TRAPPC9: variants seen among roughly 807,000 people sequenced by gnomAD.
TRAPPC9 encodes trafficking protein particle complex subunit 9, also known as IKK2 binding protein.
Under a neutral mutation model 124.0 loss-of-function variants are expected in TRAPPC9, and 83 were observed. The ratio of observed to expected loss-of-function variants is 0.67; its 90% CI spans 0.56 to 0.80. The LOEUF (loss-of-function observed/expected upper bound fraction) is 0.80. Ranked by LOEUF, TRAPPC9 falls within the 30% of genes least tolerant of loss-of-function variation. The pLI is 0.00. For missense variants in TRAPPC9, 1,302 were observed against 1,508.3 expected (o/e 0.86, Z 2.27); for synonymous variants, 638 against 617.5 (o/e 1.03, Z -0.49).
chr8:140,419,401 CCT>C (rs1292138131), intron 5 of TRAPPC9, among the ~76,000 whole-genome samples: 6 of 124,950 alleles, frequency 4.8e-5, no homozygotes, highest in East Asian at 3.0e-4. Context: ...TGCACTCCAG[CCT>C]GGGCGACAGA....
chr8:140,084,818 G>A (rs940236949), intron 17 of TRAPPC9, among the ~76,000 whole-genome samples: 3 of 152,246 alleles, frequency 2.0e-5, no homozygotes, highest in Admixed American at 2.0e-4. Flanking sequence ...CGTTTACCAA[G>A]CATGAGTAAG....
intron 17 of TRAPPC9, among the ~76,000 whole-genome samples, chr8:140,178,061 G>T (rs971768673): frequency 6.6e-6 from 1 of 152,036 alleles, no homozygotes; most frequent in Admixed American, 6.6e-5. Flanking sequence ...TTTTCTACAT[G>T]CATAGTAATG....
At chr8:140,418,579 G>A (rs966142740) in intron 5 of TRAPPC9, among the ~76,000 whole-genome samples, 1 of 152,140 alleles carries the variant, frequency 6.6e-6, no homozygotes, top group Non-Finnish European at 1.5e-5. Flanking sequence ...AAATTAGCTG[G>A]GAGCAGTGGC....
Position 140,024,086 on chromosome 8 carries a change from G to T in TRAPPC9, c.2557-7C>A, listed in dbSNP as rs1217536694. 6.2e-7 allele frequency: 1 copy of T among 1,612,584 alleles called. No individual in the cohort carries two copies. The highest frequency in any genetic ancestry group is 1.7e-5 in the Admixed American group (1 of 59,976). On this transcript the variant is annotated splice_region_variant and splice_polypyrimidine_tract_variant and intron_variant, in intron 17 of 22. Transcript: ENST00000438773. ...TCAGGACAGCTTCCAGGGTCTAAAA[G>T]ATATTAAAAAAAAAAATACACACAC...
At chr8:140,403,335 A>G (rs1588290243) in intron 6 of TRAPPC9, among the ~76,000 whole-genome samples, 1 of 152,118 alleles carries the variant, frequency 6.6e-6, no homozygotes, top group East Asian at 1.9e-4. Context: ...AGGCTAAGAC[A>G]GGAGAATCAC....
chr8:140,345,419 G>A (rs1424336281), intron 9 of TRAPPC9, among the ~76,000 whole-genome samples: 1 of 152,206 alleles, frequency 6.6e-6, no homozygotes, highest in Non-Finnish European at 1.5e-5. Flanking sequence ...AGTAGCAACG[G>A]AAAATGATGC....
Position 139,835,410 on chromosome 8 carries a change from G to A in TRAPPC9, c.3055+50469C>T, listed in dbSNP as rs562002588. Among the ~76,000 whole-genome samples, 11 of 152,384 alleles carry A rather than the reference G, an allele frequency of 7.2e-5. No individual in the cohort carries two copies. The South Asian group carries it at 8.3e-4, about 11-fold the overall frequency. On this transcript the variant is annotated intron_variant, in intron 21 of 22. Transcript: ENST00000438773. ...CGACTCTGCAGCAAGCATCCTCGCC[G>A]CCGTCCAGCCTTCCCTCCTGCGCCC...
At chr8:140,137,612 G>A (rs570586121) in intron 17 of TRAPPC9, among the ~76,000 whole-genome samples, 17 of 152,274 alleles carry the variant, frequency 1.1e-4, no homozygotes, top group East Asian at 9.6e-4. Flanking sequence ...GCCCCACCCC[G>A]CACCTGCTGA....
At chr8:140,163,891 T>G (rs1408401336) in intron 17 of TRAPPC9, among the ~76,000 whole-genome samples, 1 of 152,104 alleles carries the variant, frequency 6.6e-6, no homozygotes, top group Non-Finnish European at 1.5e-5. Flanking sequence ...AAAAGAAGGT[T>G]TAGCATTAAT....
intron 21 of TRAPPC9, among the ~76,000 whole-genome samples, chr8:139,836,386 C>A (rs575497153): frequency 5.3e-5 from 8 of 152,212 alleles, no homozygotes; most frequent in African/African-American, 7.2e-5. Flanking sequence ...TCTGACCCTG[C>A]GCCCGGCACT....
In TRAPPC9 at chr8:140,364,292, C is replaced by CAA. The variant is rs34616334; in HGVS notation, c.1352-4101_1352-4100dup. Among the ~76,000 whole-genome samples, 357 of 52,884 alleles carry CAA rather than the reference C, an allele frequency of 6.8e-3. 10 individuals are homozygous for CAA. The highest frequency in any genetic ancestry group is 0.013 in the African/African-American group (236 of 17,554). 34.7% of individuals were successfully genotyped at this position (52,884 alleles called of 152,430 possible). On this transcript the variant is annotated intron_variant, in intron 8 of 22. Transcript: ENST00000438773. Reference sequence around the variant, plus strand: ...AGCCTGGAGTTATATTCAAAGGATGCAAAAAAAAAAAAAAAAAAAAGGAAC... The same window carrying CAA: ...AGCCTGGAGTTATATTCAAAGGATGCAAAAAAAAAAAAAAAAAAAAAAGGAAC...
intron 4 of TRAPPC9, among the ~76,000 whole-genome samples, chr8:140,433,602 C>T (rs917020560): frequency 6.6e-6 from 1 of 151,950 alleles, no homozygotes; most frequent in Non-Finnish European, 1.5e-5. Context: ...AAAACAACAA[C>T]AACAACAACA....
At chr8:140,155,623 G>A (rs1377088373) in intron 17 of TRAPPC9, among the ~76,000 whole-genome samples, 1 of 152,148 alleles carries the variant, frequency 6.6e-6, no homozygotes, top group Non-Finnish European at 1.5e-5. Context: ...AAATTAAAAG[G>A]ACAATCTCGT....
At chr8:139,758,017 A>C (rs373351128) in intron 21 of TRAPPC9, among the ~76,000 whole-genome samples, 1 of 152,238 alleles carries the variant, frequency 6.6e-6, no homozygotes, top group East Asian at 1.9e-4. Flanking sequence ...CCATGGCCCC[A>C]GGGATTGGGC....
chr8:139,954,278 T>C (rs192346238), intron 19 of TRAPPC9, among the ~76,000 whole-genome samples: 3 of 152,242 alleles, frequency 2.0e-5, no homozygotes, highest in Admixed American at 2.0e-4. Flanking sequence ...ATGTGTAGTT[T>C]TTAGTATGTC....
chr8:140,145,013 A>T (rs969938551), intron 17 of TRAPPC9, among the ~76,000 whole-genome samples: 8 of 151,518 alleles, frequency 5.3e-5, no homozygotes, highest in African/African-American at 1.9e-4. Context: ...AGTACCTGAG[A>T]TTACAGGCGT....
chr8:140,118,897 T>C (rs2060936563), intron 17 of TRAPPC9, among the ~76,000 whole-genome samples: 1 of 152,242 alleles, frequency 6.6e-6, no homozygotes, highest in African/African-American at 2.4e-5. Context: ...GGCCTGGCCC[T>C]GCAGTGTGTC....
At position 139,808,150 on chromosome 8, in the gene TRAPPC9, A is replaced by G. The variant is rs113609498; in HGVS notation, c.3056-75948T>C. ...TGAGACATACTTCATGTACCATGCA[A>G]TTTACCCATTTGAAGTATACAATTC... On this transcript the variant is annotated intron_variant, in intron 21 of 22. Transcript: ENST00000438773. Among the ~76,000 whole-genome samples, 439 of 152,316 alleles carry G rather than the reference A, an allele frequency of 2.9e-3. 3 individuals carry two copies. Among genetic ancestry groups the G allele is most frequent in the African/African-American group, 9.6e-3 (399 of 41,562 alleles).
intron 5 of TRAPPC9, among the ~76,000 whole-genome samples, chr8:140,417,969 C>G (rs1449607993): frequency 1.3e-5 from 2 of 152,136 alleles, no homozygotes; most frequent in Non-Finnish European, 2.9e-5. Context: ...GAACAGAAAA[C>G]CAAACACCAC....
Sources: allele counts gnomAD v4.1 joint callset (sites outside exome capture counted in the v4.1 genomes callset), GRCh38; gene constraint gnomAD v4.1.1; transcripts MANE v1.5; gene names NCBI Gene and HGNC (gene_info 2026-07-23, HGNC 2026-07-21).